Variants in ARHGEF11 observed in about 807,000 individuals in gnomAD.
The protein encoded by ARHGEF11 is Rho guanine exchange factor (GEF) 11.
In ARHGEF11, 55 loss-of-function variants were observed where a neutral mutation model predicts 193.7. That is an observed-to-expected ratio of 0.28 (90% CI 0.23 to 0.36). The LOEUF is 0.36. Ranked by LOEUF, ARHGEF11 falls within the 10% of genes least tolerant of loss-of-function variation. ARHGEF11 has a pLI of 1.00. For missense variants in ARHGEF11, 1,723 were observed against 2,005.6 expected (o/e 0.86, Z 2.69); for synonymous variants, 693 against 768.0 (o/e 0.90, Z 1.62).
At chr1:157,023,099 C>G (rs568195454) in intron 1 of ARHGEF11, among the ~76,000 whole-genome samples, 1 of 152,242 alleles carries the variant, frequency 6.6e-6, no homozygotes, top group Admixed American at 6.5e-5. Context: ...AATGGTTTAT[C>G]AGACATGACA....
In ARHGEF11 at chr1:156,963,636, G is replaced by A. The variant is rs1347409256; in HGVS notation, c.964-42C>T. 4 of 1,598,624 alleles carry A rather than the reference G, an allele frequency of 2.5e-6. No homozygotes were observed. In the South Asian group the frequency reaches 3.4e-5, roughly 14 times the overall value. ...AATTGCAGAGATGAGAGGTTATAGA[G>A]GACAGAGGATTCAACCACCTCAGTG... On this transcript the variant is annotated intron_variant, in intron 11 of 40. Coordinates refer to ENST00000368194, the MANE Select transcript of ARHGEF11 (RefSeq NM_198236.3).
chr1:157,043,335 AC>A (rs1558002894), intron 1 of ARHGEF11, among the ~76,000 whole-genome samples: 1 of 151,974 alleles, frequency 6.6e-6, no homozygotes, highest in Non-Finnish European at 1.5e-5. Context: ...CACAAAACAC[AC>A]CCCCCACAGC....
In ARHGEF11 at chr1:156,978,373, T is replaced by C. The variant is rs1663572309; in HGVS notation, c.341A>G (p.Tyr114Cys). The change falls in exon 6 of 41, where the codon TAT becomes TGT. Residue 114 changes from tyrosine (Y) to cysteine (C), a missense_variant. Coordinates refer to ENST00000368194, the MANE Select transcript of ARHGEF11 (RefSeq NM_198236.3). The part of the protein sequence containing the change: ...EVVKLIKSGA[Y>C]VALTLLGSSP... ...AGAGCCCAGGAGGGTGAGTGCGACA[T>C]AGGCGCCAGCTAGAGGGAAACAGAG... 1 of 1,600,562 alleles carries C rather than the reference T, an allele frequency of 6.2e-7. No individual in the cohort carries two copies. Among genetic ancestry groups the C allele is most frequent in the Non-Finnish European group, 8.5e-7 (1 of 1,173,312 alleles).
At chr1:157,032,157 T>C (rs776345258) in intron 1 of ARHGEF11, among the ~76,000 whole-genome samples, 8 of 152,202 alleles carry the variant, frequency 5.3e-5, no homozygotes, top group Admixed American at 1.3e-4. Context: ...CAGGATTTAT[T>C]TGCACCTATG....
intron 1 of ARHGEF11, among the ~76,000 whole-genome samples, chr1:157,026,756 C>T (rs542398891): frequency 3.2e-4 from 49 of 152,336 alleles, no homozygotes; most frequent in Non-Finnish European, 6.3e-4. Context: ...GTTTCAGAAT[C>T]CCTGTTGTTA....
intron 1 of ARHGEF11, among the ~76,000 whole-genome samples, chr1:157,020,864 A>G (rs989053220): frequency 6.6e-6 from 1 of 152,246 alleles, no homozygotes; most frequent in African/African-American, 2.4e-5. Context: ...ACTGCATTAA[A>G]TGTAGGCATT....
intron 40 of ARHGEF11, chr1:156,936,361 A>G (rs1231575294): frequency 2.1e-6 from 1 of 465,994 alleles, no homozygotes; most frequent in Non-Finnish European, 4.2e-6. Flanking sequence ...GGCCGACACC[A>G]TGGTGTGCAC....
intron 2 of ARHGEF11, 123 bp downstream of exon 2, chr1:156,985,958 GC>G (rs1455117079): frequency 1.3e-6 from 1 of 741,398 alleles, no homozygotes; most frequent in African/African-American, 1.7e-5. Flanking sequence ...GACTGGCATA[GC>G]ACACTACAGA....
At chr1:156,998,975 T>C (rs1666886468) in intron 1 of ARHGEF11, among the ~76,000 whole-genome samples, 1 of 152,142 alleles carries the variant, frequency 6.6e-6, no homozygotes, top group African/African-American at 2.4e-5. Flanking sequence ...GATCTGATTA[T>C]TAGGAGTAGA....
At chr1:157,013,104 G>A (rs11264597) in intron 1 of ARHGEF11, among the ~76,000 whole-genome samples, 118,015 of 151,832 alleles carry the variant, frequency 0.78, 46,342 homozygotes, top group Non-Finnish European at 0.84. Context: ...TTGCTCTGCT[G>A]TCTAGTCCTG....
chr1:156,936,497 A>AAAAAAAAAAAAAAAAAAATATATAT (rs370282821), intron 40 of ARHGEF11, among the ~76,000 whole-genome samples: 1 of 33,938 alleles, frequency 2.9e-5, no homozygotes, highest in African/African-American at 1.5e-4. Flanking sequence ...AAAAAAAAAA[A>AAAAAAAAAAAAAAAAAAATATATAT]ATATATATAT....
In ARHGEF11 at chr1:156,942,779, A is replaced by G; in HGVS notation, c.3237T>C (p.Asp1079=). The G allele has an allele frequency of 6.2e-7, 1 of 1,613,986 alleles. No individual in the cohort carries two copies. Among genetic ancestry groups the G allele is most frequent in the Non-Finnish European group, 8.5e-7 (1 of 1,179,842 alleles). ...TGCAGATGATGAAGAAGGCCCGTTTATCTGTGTGAGGAAAGGAAGGTAGAA... is the reference window on the plus strand; with the variant it reads ...TGCAGATGATGAAGAAGGCCCGTTTGTCTGTGTGAGGAAAGGAAGGTAGAA... ...NAVLIRSVAT[D]KRAFFIICTS... Residue 1079 remains aspartate, a splice_region_variant and synonymous_variant, in exon 33 of 41, where the codon GAT becomes GAC. Transcript: ENST00000368194.
At chr1:156,942,241 C>CT (rs1403192230) in intron 33 of ARHGEF11, among the ~76,000 whole-genome samples, 1 of 152,242 alleles carries the variant, frequency 6.6e-6, no homozygotes. Flanking sequence ...AAGTAATCCT[C>CT]TAACAGGTAG....
In ARHGEF11 at chr1:156,935,452, A is replaced by G. The variant is rs781443771; in HGVS notation, c.*548T>C. 1 of 152,450 alleles carries G rather than the reference A, an allele frequency of 6.6e-6. No homozygotes were observed. The highest frequency in any genetic ancestry group is 2.4e-5 in the African/African-American group (1 of 41,476). 9.4% of individuals were successfully genotyped at this position (152,450 alleles called of 1,614,324 possible). A position where few individuals can be genotyped will look rare whatever the true frequency, so the allele number is the denominator to read the frequency against. ...CCCTCTTCCCTAAGCAGCTCCTTCC[A>G]TAACTGCCTCCAGCACTTCAGGAAC... On this transcript the variant is annotated 3_prime_UTR_variant, in exon 41 of 41. Transcript: ENST00000368194.
At chr1:156,980,890 T>A (rs1664075169) in intron 3 of ARHGEF11, among the ~76,000 whole-genome samples, 1 of 147,554 alleles carries the variant, frequency 6.8e-6, no homozygotes, top group Non-Finnish European at 1.5e-5. Flanking sequence ...AAATAATAAT[T>A]AAGAGAAATT....
intron 10 of ARHGEF11, among the ~76,000 whole-genome samples, 163 bp downstream of exon 10, chr1:156,969,119 A>G (rs1662153610): frequency 6.6e-6 from 1 of 152,314 alleles, no homozygotes; most frequent in East Asian, 1.9e-4. Context: ...TGCATCTGAA[A>G]TTTCTGCTTT....
intron 1 of ARHGEF11, among the ~76,000 whole-genome samples, chr1:157,026,757 C>G (rs561037036): frequency 6.6e-6 from 1 of 152,286 alleles, no homozygotes; most frequent in Admixed American, 6.5e-5. Context: ...TTTCAGAATC[C>G]CTGTTGTTAA....
At chr1:156,991,804 C>T (rs1464390190) in intron 1 of ARHGEF11, among the ~76,000 whole-genome samples, 2 of 144,264 alleles carry the variant, frequency 1.4e-5, no homozygotes, top group African/African-American at 2.6e-5. Flanking sequence ...GCAAGCTCCG[C>T]CTCCCGGGTT....
rs1047573559 is a variant in ARHGEF11, at chr1:157,017,706, CAAAAAAAAAAAAAA to C, written c.32+26579_32+26592del. Among the ~76,000 whole-genome samples the C allele has an allele frequency of 2.4e-4, 10 of 41,544 alleles. No homozygotes were observed. The South Asian group carries it at 0.01, about 43-fold the overall frequency. The allele number at this position is 41,544 out of a possible 152,430, so 27.3% of individuals were successfully genotyped here. On this transcript the variant is annotated intron_variant, in intron 1 of 40. Transcript: ENST00000368194. Reference sequence around the variant, plus strand: ...TGGGCAACAGAGTGAGACTCCGTCTCAAAAAAAAAAAAAAAAAAAAAAAAAGAAACGGAGAAGAG... The same window carrying C: ...TGGGCAACAGAGTGAGACTCCGTCTCAAAAAAAAAAAGAAACGGAGAAGAG...
Sources: allele counts gnomAD v4.1 joint callset (sites outside exome capture counted in the v4.1 genomes callset), GRCh38; gene constraint gnomAD v4.1.1; transcripts MANE v1.5; gene names NCBI Gene and HGNC (gene_info 2026-07-23, HGNC 2026-07-21).